Variants in SETX observed in about 807,000 individuals in gnomAD.
The protein encoded by SETX is helicase senataxin.
In SETX, 90 loss-of-function variants were observed where a neutral mutation model predicts 227.2. The ratio of observed to expected loss-of-function variants is 0.40; its 90% CI spans 0.33 to 0.47. SETX has a LOEUF of 0.47. Among genes scored for constraint, SETX ranks in the 20% least tolerant of loss-of-function variants. The probability of loss-of-function intolerance (pLI) is 0.91; values close to 1 mark genes in which losing one functional copy is unlikely to be tolerated. For missense variants in SETX, 3,052 were observed against 3,181.5 expected (o/e 0.96, Z 0.98); for synonymous variants, 1,210 against 1,113.2 (o/e 1.09, Z -1.73).
chr9:132,350,123 T>G (rs746327504), intron 2 of SETX, among the ~76,000 whole-genome samples: 7 of 152,156 alleles, frequency 4.6e-5, no homozygotes, highest in African/African-American at 7.2e-5. Context: ...GAGGCCGACG[T>G]GGGCAGACTG....
At chr9:132,353,189 A>T (rs1446382872) in intron 2 of SETX, among the ~76,000 whole-genome samples, 1 of 152,104 alleles carries the variant, frequency 6.6e-6, no homozygotes, top group Non-Finnish European at 1.5e-5. Flanking sequence ...AAGGCCCGCG[A>T]TGATCCAGCT....
intron 6 of SETX, among the ~76,000 whole-genome samples, chr9:132,335,215 C>A (rs1275748403): frequency 1.3e-5 from 2 of 151,166 alleles, no homozygotes; most frequent in African/African-American, 4.9e-5. Context: ...ATGGTGAAAC[C>A]CCGTCTCTAC....
rs1339235803 is a variant in SETX at position 132,349,433 on chromosome 9, T to C, written c.-5A>G. ...ACACCAACAACATGTGCTCATTCTG[T>C]ACCTACAGCCAGAAAAGATGACATC... is the stretch of plus-strand genomic sequence containing the variant. On this transcript the variant is annotated splice_region_variant and 5_prime_UTR_variant, in exon 3 of 26. Coordinates refer to ENST00000224140, the MANE Select transcript of SETX (RefSeq NM_015046.7). 1 of 1,614,148 alleles carries C rather than the reference T, an allele frequency of 6.2e-7. No homozygotes were observed. Among genetic ancestry groups the C allele is most frequent in the Non-Finnish European group, 8.5e-7 (1 of 1,180,024 alleles).
chr9:132,264,890 CT>C lies in SETX; in HGVS notation c.7382del (p.Lys2461ArgfsTer3). ...CDKNYRHDAVKILKLKPVLQR... is the reference protein window; with the variant it reads ...CDKNYRHDAVXILKLKPVLQR... Reference sequence around the variant, plus strand: ...GCAGCACAGGCTTGAGTTTCAGAATCTTCACTGCATCATGTCTATAGTTTTT... The same window carrying C: ...GCAGCACAGGCTTGAGTTTCAGAATCTCACTGCATCATGTCTATAGTTTTT... On this transcript the variant is annotated frameshift_variant, in exon 26 of 26. Transcript: ENST00000224140. LOFTEE classifies it low-confidence loss of function (END_TRUNC). 6.2e-7 allele frequency: 1 copy of C among 1,614,046 alleles called. No homozygotes were observed. The highest frequency in any genetic ancestry group is 8.5e-7 in the Non-Finnish European group (1 of 1,179,938).
chr9:132,322,141 T>C (rs1415617066), intron 10 of SETX, among the ~76,000 whole-genome samples: 1 of 152,180 alleles, frequency 6.6e-6, no homozygotes, highest in African/African-American at 2.4e-5. Context: ...TATCTGAAGA[T>C]TTCATGTTTT....
intron 14 of SETX, 111 bp from the exon 15 acceptor site, chr9:132,296,139 T>C (rs1266136506): frequency 7.6e-6 from 10 of 1,314,412 alleles, no homozygotes; most frequent in South Asian, 6.2e-5. Context: ...AAAGTTCTCG[T>C]AATAAAGTTA....
chr9:132,346,848 T>C (rs1446710866), intron 3 of SETX, among the ~76,000 whole-genome samples: 1 of 151,488 alleles, frequency 6.6e-6, no homozygotes, highest in East Asian at 1.9e-4. Context: ...CTAGCTTCTC[T>C]GGAGGCTGAA....
In SETX at chr9:132,320,802, T is replaced by C. The variant is rs145853404; in HGVS notation, c.5274+5522A>G. Reference sequence around the variant, plus strand: ...ACCAAAGAGATTTTAAAAAACAGCATTGACCAATTAGAACAAAAAGGACAG... The same window carrying C: ...ACCAAAGAGATTTTAAAAAACAGCACTGACCAATTAGAACAAAAAGGACAG... On this transcript the variant is annotated intron_variant, in intron 10 of 25. Transcript: ENST00000224140. 3.9e-3 allele frequency among the ~76,000 whole-genome samples: 586 copies of C among 151,984 alleles called. 1 individual carries two copies. The highest frequency in any genetic ancestry group is 8.5e-3 in the South Asian group (41 of 4,822).
At chr9:132,318,734 C>T (rs1846150078) in intron 10 of SETX, among the ~76,000 whole-genome samples, 2 of 152,154 alleles carry the variant, frequency 1.3e-5, no homozygotes, top group Non-Finnish European at 2.9e-5. Context: ...CAATGCCACT[C>T]TAATGCTACC....
rs1843900316 is a variant in SETX at position 132,286,444 on chromosome 9, T to C, written c.6375A>G (p.Glu2125=). The C allele has an allele frequency of 6.2e-7, 1 of 1,613,156 alleles. No homozygotes were observed. Among genetic ancestry groups the C allele is most frequent in the African/African-American group, 1.3e-5 (1 of 74,850 alleles). Residue 2125 remains glutamate (E), a synonymous_variant, in exon 18 of 26, where the codon GAA becomes GAG. Coordinates refer to ENST00000224140, the MANE Select transcript of SETX (RefSeq NM_015046.7). ...NISKVSKERQ[E]LASKIKEVQG... Reference sequence around the variant, plus strand: ...TTACCTCTTTAATTTTAGAAGCAAGTTCCTGCCTTTCCTTAGAAACTTTGG... The same window carrying C: ...TTACCTCTTTAATTTTAGAAGCAAGCTCCTGCCTTTCCTTAGAAACTTTGG...
intron 11 of SETX, among the ~76,000 whole-genome samples, chr9:132,302,606 GC>G (rs1845067860): frequency 7.5e-6 from 1 of 133,676 alleles, no homozygotes; most frequent in Admixed American, 8.8e-5. Context: ...ATTGCTGTGA[GC>G]CAAGATTGCG....
Position 132,331,301 on chromosome 9 carries a change from C to T in SETX, c.986G>A (p.Arg329Gln), listed in dbSNP as rs376077293. 84 of 1,613,910 alleles carry T rather than the reference C, an allele frequency of 5.2e-5. No individual in the cohort carries two copies. In the East Asian group the frequency reaches 7.1e-4, roughly 14 times the overall value. ...CCTTACAGAGCTGTTCCGTATATGT[C>T]GGATCTCTCTATTGTAGCTTGCGTT... ...INNASYNREI[R>Q]HIRNSSVRTK... The change falls in exon 8 of 26, where the codon CGA (arginine) becomes CAA (glutamine). Residue 329 changes from arginine (R) to glutamine (Q), a missense_variant. Arg to Gln is a conservative substitution (Grantham distance 43, BLOSUM62 1). Transcript: ENST00000224140.
chr9:132,355,301 G>A (rs1332602361), upstream of SETX, among the ~76,000 whole-genome samples: 1 of 152,194 alleles, frequency 6.6e-6, no homozygotes, highest in Non-Finnish European at 1.5e-5. Context: ...CTCTGCTGCG[G>A]GTGGGGTCAG....
chr9:132,328,258 T>C lies in SETX; in HGVS notation c.3340A>G (p.Ile1114Val), dbSNP rs766220980. 3 of 1,614,018 alleles carry C rather than the reference T, an allele frequency of 1.9e-6. No homozygotes were observed. Among genetic ancestry groups the C allele is most frequent in the Admixed American group, 1.7e-5 (1 of 60,004 alleles). ...CCCTGACCATTTGTAGTATTGGCTA[T>C]AGGAGCCAAACATTTTTTCTCACCA... ...QDGEKKCLAP[I>V]ANTTNGQGCT... Residue 1114 changes from isoleucine (I) to valine (V), a missense_variant, in exon 10 of 26, where the codon ATA (isoleucine) becomes GTA (valine). This residue lies in a region of SETX where 1,483 missense variants were observed against 1,312.0 expected (regional missense o/e 1.13). Coordinates refer to ENST00000224140, the MANE Select transcript of SETX (RefSeq NM_015046.7).
At chr9:132,283,454 A>AC in intron 18 of SETX, 41 bp from the exon 19 acceptor site, 1 of 1,611,630 alleles carries the variant, frequency 6.2e-7, no homozygotes. Context: ...GCTGTACATC[A>AC]ATCCTTGACT....
intron 15 of SETX, among the ~76,000 whole-genome samples, chr9:132,291,686 G>C (rs550005551): frequency 6.6e-5 from 10 of 152,174 alleles, no homozygotes; most frequent in Admixed American, 2.0e-4. Context: ...TGTGGCACCC[G>C]TAAGGGAGCA....
At position 132,316,559 on chromosome 9, in the gene SETX, T is replaced by C. The variant is rs1255130438; in HGVS notation, c.5275-4703A>G. Among the ~76,000 whole-genome samples, 4 of 152,382 alleles carry C rather than the reference T, an allele frequency of 2.6e-5. No individual in the cohort carries two copies. In the East Asian group the frequency reaches 7.7e-4, roughly 29 times the overall value. On this transcript the variant is annotated intron_variant, in intron 10 of 25. Transcript: ENST00000224140. ...TTTTGATATTTTCTTCGTTTAGTTTTACTTTCCAAACATATGTGATTTAAC... is the reference window on the plus strand; with the variant it reads ...TTTTGATATTTTCTTCGTTTAGTTTCACTTTCCAAACATATGTGATTTAAC...
At chr9:132,266,498 G>A (rs1842658908) in intron 25 of SETX, among the ~76,000 whole-genome samples, 1 of 152,160 alleles carries the variant, frequency 6.6e-6, no homozygotes, top group South Asian at 2.1e-4. Context: ...TGGGCCAGGT[G>A]CAGTGGCTCA....
rs12000574 is a variant in SETX, at chr9:132,314,239, C to T, written c.5275-2383G>A. 6.7e-3 allele frequency among the ~76,000 whole-genome samples: 1,023 copies of T among 152,104 alleles called. 14 individuals carry two copies. The highest frequency in any genetic ancestry group is 0.023 in the African/African-American group (958 of 41,498). ...TCCCAAGTAGCTGGGATTACAGGCGCCCACCACCACGCCTGGCTAATTTTG... is the reference window on the plus strand; with the variant it reads ...TCCCAAGTAGCTGGGATTACAGGCGTCCACCACCACGCCTGGCTAATTTTG... On this transcript the variant is annotated intron_variant, in intron 10 of 25. Transcript: ENST00000224140.
Sources: allele counts gnomAD v4.1 joint callset (sites outside exome capture counted in the v4.1 genomes callset), GRCh38; gene constraint gnomAD v4.1.1; regional missense constraint gnomAD v4.1.1; transcripts MANE v1.5; gene names NCBI Gene and HGNC (gene_info 2026-07-23, HGNC 2026-07-21).